The following WWTR1 variants were observed in gnomAD, a reference collection of about 807,000 sequenced individuals.
WWTR1 encodes WW domain-containing transcription regulator protein 1.
A neutral mutation model predicts 40.1 loss-of-function variants in WWTR1; 13 were observed. The observed-to-expected ratio is 0.32, with a 90% CI of 0.21 to 0.52. The LOEUF (loss-of-function observed/expected upper bound fraction) is 0.52, where lower values mean the gene tolerates loss of function less well. Ranked by LOEUF, WWTR1 falls within the 20% of genes least tolerant of loss-of-function variation. The probability of loss-of-function intolerance (pLI) is 0.97; values close to 1 mark genes in which losing one functional copy is unlikely to be tolerated. For synonymous variants in WWTR1, 230 were observed against 210.1 expected (o/e 1.09, Z -0.82); for missense variants, 436 against 523.1 (o/e 0.83, Z 1.63).
intron 2 of WWTR1, among the ~76,000 whole-genome samples, chr3:149,625,962 C>T (rs1340416203): frequency 2.0e-5 from 3 of 152,172 alleles, no homozygotes; most frequent in Admixed American, 2.0e-4. Context: ...AAGTCCCTCC[C>T]TTCCTAGACG....
At chr3:149,600,349 T>C (rs1325384332) in intron 2 of WWTR1, among the ~76,000 whole-genome samples, 1 of 152,190 alleles carries the variant, frequency 6.6e-6, no homozygotes, top group Non-Finnish European at 1.5e-5. Context: ...TGAGTTAATA[T>C]ATGTAAAGTG....
At chr3:149,611,000 A>T (rs542272549) in intron 2 of WWTR1, among the ~76,000 whole-genome samples, 9 of 151,684 alleles carry the variant, frequency 5.9e-5, no homozygotes, top group East Asian at 3.9e-4. Flanking sequence ...AATTTTTTTT[A>T]AATTAGCTGG....
intron 2 of WWTR1, among the ~76,000 whole-genome samples, chr3:149,664,880 C>T (rs149530180): frequency 8.6e-5 from 13 of 151,980 alleles, no homozygotes; most frequent in South Asian, 4.2e-4. Context: ...TGAACCACCG[C>T]GCCCGGCCAG....
intron 2 of WWTR1, chr3:149,649,184 G>A (rs4429571): frequency 0.11 from 17,022 of 152,034 alleles, 1,416 homozygotes; most frequent in African/African-American, 0.23. Context: ...TAGAGACAGG[G>A]TTTCTCCATG....
chr3:149,531,654 G>A (rs757573704), intron 4 of WWTR1, among the ~76,000 whole-genome samples: 1 of 151,938 alleles, frequency 6.6e-6, no homozygotes, highest in Admixed American at 6.6e-5. Context: ...TCCTACAGAC[G>A]CCATCTCTTC....
At chr3:149,605,351 C>G (rs1196058285) in intron 2 of WWTR1, among the ~76,000 whole-genome samples, 1 of 148,166 alleles carries the variant, frequency 6.7e-6, no homozygotes, top group Non-Finnish European at 1.5e-5. Flanking sequence ...CAAAGGATGA[C>G]CTTTCTAGTG....
chr3:149,697,268 T>C (rs935129822), intron 1 of WWTR1, among the ~76,000 whole-genome samples: 4 of 152,206 alleles, frequency 2.6e-5, no homozygotes, highest in African/African-American at 9.6e-5. Flanking sequence ...GGAGCAGGCA[T>C]GTCATGTGGC....
rs1237434997 is a variant in WWTR1, at chr3:149,657,883, G to C, written c.-122C>G. ...ATTGCGGAGCTGGAGCCGAGGCTTGGCTGACAAATCCCGACCCGACTCTGT... is the reference window on the plus strand; with the variant it reads ...ATTGCGGAGCTGGAGCCGAGGCTTGCCTGACAAATCCCGACCCGACTCTGT... On this transcript the variant is annotated 5_prime_UTR_variant, in exon 1 of 7. Transcript: ENST00000360632. 6.5e-6 allele frequency: 1 copy of C among 153,226 alleles called. No individual in the cohort carries two copies. The highest frequency in any genetic ancestry group is 1.5e-5 in the Non-Finnish European group (1 of 68,894). The allele number at this position is 153,226 out of a possible 1,614,324, so 9.5% of individuals were successfully genotyped here. A position where few individuals can be genotyped will look rare whatever the true frequency, so the allele number is the denominator to read the frequency against.
At chr3:149,587,147 G>T (rs1262652725) in intron 2 of WWTR1, among the ~76,000 whole-genome samples, 1 of 152,180 alleles carries the variant, frequency 6.6e-6, no homozygotes, top group South Asian at 2.1e-4. Flanking sequence ...GTGGGCTGGA[G>T]GGGGTGCAGT....
intron 4 of WWTR1, among the ~76,000 whole-genome samples, chr3:149,531,636 C>CGTTA (rs1446452703): frequency 6.6e-6 from 1 of 152,104 alleles, no homozygotes; most frequent in East Asian, 1.9e-4. Flanking sequence ...CCTCACTTAA[C>CGTTA]GCCTGCCTCC....
intron 3 of WWTR1, among the ~76,000 whole-genome samples, chr3:149,548,091 C>T (rs1237738113): frequency 1.3e-5 from 2 of 151,786 alleles, no homozygotes; most frequent in Non-Finnish European, 2.9e-5. Flanking sequence ...TAGGACATGA[C>T]CCTCTGGTTA....
At chr3:149,541,107 A>T (rs1312992888) in intron 4 of WWTR1, 25 of 452,912 alleles carry the variant, frequency 5.5e-5, no homozygotes, top group Non-Finnish European at 1.1e-4. Context: ...AAAGGAAGTT[A>T]TTCATGTATC....
chr3:149,614,230 A>G (rs1739865102), intron 2 of WWTR1, among the ~76,000 whole-genome samples: 1 of 152,170 alleles, frequency 6.6e-6, no homozygotes, highest in African/African-American at 2.4e-5. Flanking sequence ...ATCATGATGG[A>G]GCTAAATAAC....
At chr3:149,524,835 A>G (rs1443264416) in intron 6 of WWTR1, among the ~76,000 whole-genome samples, 1 of 152,232 alleles carries the variant, frequency 6.6e-6, no homozygotes, top group African/African-American at 2.4e-5. Flanking sequence ...CTTTGGGGGA[A>G]GGAATTTTTT....
intron 2 of WWTR1, among the ~76,000 whole-genome samples, chr3:149,669,381 C>T (rs1176317820): frequency 6.6e-6 from 1 of 152,186 alleles, no homozygotes; most frequent in East Asian, 1.9e-4. Flanking sequence ...GTGCTCTTCT[C>T]TTTCTGTTAT....
chr3:149,612,928 A>G (rs1739801909), intron 2 of WWTR1, among the ~76,000 whole-genome samples: 1 of 152,172 alleles, frequency 6.6e-6, no homozygotes, highest in Non-Finnish European at 1.5e-5. Context: ...TGCTTGCTTT[A>G]CACAAGCCTG....
At chr3:149,557,061 CTTTTTTTTTTTTTTTT>C (rs3044118) in intron 3 of WWTR1, among the ~76,000 whole-genome samples, 2 of 64,356 alleles carry the variant, frequency 3.1e-5, no homozygotes, top group Admixed American at 2.4e-4. Context: ...CTGGAATCTT[CTTTTTTTTTTTTTTTT>C]TTTTTTTTTT....
chr3:149,518,501 T>C lies in WWTR1; in HGVS notation c.*2304A>G, dbSNP rs925818287. On this transcript the variant is annotated 3_prime_UTR_variant, in exon 7 of 7. Transcript: ENST00000360632. Reference sequence around the variant, plus strand: ...CAAGAATGTACAATTCTTTTTGCAATTTTTTGCTAACAAAAGACAAAAAGA... The same window carrying C: ...CAAGAATGTACAATTCTTTTTGCAACTTTTTGCTAACAAAAGACAAAAAGA... 6.6e-6 allele frequency: 1 copy of C among 152,184 alleles called. No homozygotes were observed. The highest frequency in any genetic ancestry group is 2.4e-5 in the African/African-American group (1 of 41,450). The allele number at this position is 152,184 out of a possible 1,614,324, so 9.4% of individuals were successfully genotyped here.
chr3:149,635,622 A>G (rs1377143183), intron 2 of WWTR1, among the ~76,000 whole-genome samples: 3 of 151,654 alleles, frequency 2.0e-5, no homozygotes, highest in Non-Finnish European at 2.9e-5. Context: ...GAGGAGGAGG[A>G]AGGAGAAAGG....
Sources: allele counts gnomAD v4.1 joint callset (sites outside exome capture counted in the v4.1 genomes callset), GRCh38; gene constraint gnomAD v4.1.1; transcripts MANE v1.5; gene names NCBI Gene and HGNC (gene_info 2026-07-23, HGNC 2026-07-21).